The following TGFBR2 variants were observed in gnomAD, a reference collection of about 807,000 sequenced individuals.
The protein encoded by TGFBR2 is TGF-beta receptor type-2.
In TGFBR2, 18 loss-of-function variants were observed where a neutral mutation model predicts 49.0. That is an observed-to-expected ratio of 0.37 (90% CI 0.25 to 0.54). The LOEUF is 0.54. Ranked by LOEUF, TGFBR2 falls within the 20% of genes least tolerant of loss-of-function variation. TGFBR2 has a pLI of 0.85. For synonymous variants in TGFBR2, 282 were observed against 275.9 expected, an observed-to-expected ratio of 1.02 and a Z score of -0.22; for missense variants, 525 against 722.6, an observed-to-expected ratio of 0.73 and a Z score of 3.13.
chr3:30,612,376 G>A (rs1698046120), intron 1 of TGFBR2, among the ~76,000 whole-genome samples: 1 of 152,040 alleles, frequency 6.6e-6, no homozygotes, highest in African/African-American at 2.4e-5. Context: ...TCTTTCGTGT[G>A]GTCTCTATGT....
chr3:30,637,201 A>G (rs1480675784), intron 1 of TGFBR2, among the ~76,000 whole-genome samples: 1 of 152,198 alleles, frequency 6.6e-6, no homozygotes, highest in Non-Finnish European at 1.5e-5. Flanking sequence ...AAGTACTTAC[A>G]AAGGTATGGA....
intron 3 of TGFBR2, among the ~76,000 whole-genome samples, chr3:30,652,865 G>T (rs1274859847): frequency 6.6e-6 from 1 of 152,166 alleles, no homozygotes; most frequent in Non-Finnish European, 1.5e-5. Context: ...AATATATCAT[G>T]CATTTTATAT....
intron 3 of TGFBR2, among the ~76,000 whole-genome samples, chr3:30,664,718 C>A (rs935161856): frequency 3.3e-5 from 5 of 152,252 alleles, no homozygotes; most frequent in Admixed American, 2.0e-4. Flanking sequence ...CTTTTATGTC[C>A]TTTGTTATGC....
rs1699710286 is a variant in TGFBR2 at position 30,691,536 on chromosome 3, C to G, written c.1641C>G (p.Leu547=). 1 of 1,614,142 alleles carries G rather than the reference C, an allele frequency of 6.2e-7. No individual in the cohort carries two copies. The highest frequency in any genetic ancestry group is 8.5e-7 in the Non-Finnish European group (1 of 1,180,000). Residue 547 remains leucine, a synonymous_variant, in exon 7 of 7, where the codon CTC becomes CTG. Transcript: ENST00000295754. ...GTGAGCTGGAGCATCTGGACAGGCTCTCGGGGAGGAGCTGCTCGGAGGAGA... is the reference window on the plus strand; with the variant it reads ...GTGAGCTGGAGCATCTGGACAGGCTGTCGGGGAGGAGCTGCTCGGAGGAGA... ...RFSELEHLDR[L]SGRSCSEEKI...
intron 5 of TGFBR2, among the ~76,000 whole-genome samples, chr3:30,674,828 G>A (rs1198627943): frequency 6.6e-6 from 1 of 152,028 alleles, no homozygotes; most frequent in Admixed American, 6.6e-5. Flanking sequence ...CTTTTCTCCT[G>A]AAAAGCTGGC....
At chr3:30,641,159 A>T (rs938481215) in intron 1 of TGFBR2, among the ~76,000 whole-genome samples, 4 of 152,100 alleles carry the variant, frequency 2.6e-5, no homozygotes, top group African/African-American at 9.7e-5. Flanking sequence ...CCTTAACTGG[A>T]TCTTACGGGC....
rs773834537 is a variant in TGFBR2, at chr3:30,674,101, A to G, written c.1255-4A>G. 11 of 1,613,998 alleles carry G rather than the reference A, an allele frequency of 6.8e-6. No individual in the cohort carries two copies. Among genetic ancestry groups the G allele is most frequent in the African/African-American group, 6.7e-5 (5 of 74,904 alleles). ...ATGGGCCTCACTGTCTGTTTTTGCT[A>G]TAGGTGGGAACTGCAAGATACATGG... On this transcript the variant is annotated splice_region_variant and splice_polypyrimidine_tract_variant and intron_variant, in intron 4 of 6. Coordinates refer to ENST00000295754, the MANE Select transcript of TGFBR2 (RefSeq NM_003242.6).
At chr3:30,632,020 T>G (rs1575138059) in intron 1 of TGFBR2, among the ~76,000 whole-genome samples, 1 of 152,304 alleles carries the variant, frequency 6.6e-6, no homozygotes, top group East Asian at 1.9e-4. Flanking sequence ...TTTCCATATA[T>G]CTGGATGGCC....
chr3:30,631,621 CT>C (rs71093918), intron 1 of TGFBR2, among the ~76,000 whole-genome samples: 58,496 of 115,304 alleles, frequency 0.51, 12,708 homozygotes, highest in African/African-American at 0.56. Context: ...CAACTTCTTT[CT>C]TTTTTTTTTT....
At chr3:30,614,516 C>G (rs1318414544) in intron 1 of TGFBR2, among the ~76,000 whole-genome samples, 3 of 152,158 alleles carry the variant, frequency 2.0e-5, no homozygotes, top group Non-Finnish European at 4.4e-5. Context: ...GACTACCTGT[C>G]ACGCCCAAAT....
chr3:30,637,063 GAA>G (rs752993282), intron 1 of TGFBR2, among the ~76,000 whole-genome samples: 16 of 99,094 alleles, frequency 1.6e-4, no homozygotes, highest in Non-Finnish European at 1.9e-4. Flanking sequence ...GACTCTGTCT[GAA>G]AAAAAAAAAA....
chr3:30,687,523 C>T (rs974684586), intron 5 of TGFBR2, among the ~76,000 whole-genome samples: 34 of 152,222 alleles, frequency 2.2e-4, no homozygotes, highest in African/African-American at 7.5e-4. Context: ...AGCACCTGGC[C>T]TGTAGACAAC....
chr3:30,657,403 C>T (rs1280236459), intron 3 of TGFBR2, among the ~76,000 whole-genome samples: 1 of 152,126 alleles, frequency 6.6e-6, no homozygotes, highest in African/African-American at 2.4e-5. Context: ...GTAAGATGCT[C>T]ATCTGTTGGG....
intron 1 of TGFBR2, among the ~76,000 whole-genome samples, chr3:30,617,453 A>G (rs1042637915): frequency 6.6e-6 from 1 of 152,222 alleles, no homozygotes; most frequent in African/African-American, 2.4e-5. Context: ...ATAACATTTT[A>G]TGTTCATTAT....
rs765633035 is a variant in TGFBR2, at chr3:30,691,488, C to G, written c.1593C>G (p.Ala531=). 6.2e-7 allele frequency: 1 copy of G among 1,614,080 alleles called. No individual in the cohort carries two copies. Among genetic ancestry groups the G allele is most frequent in the Non-Finnish European group, 8.5e-7 (1 of 1,179,992 alleles). ...WDHDPEARLT[A]QCVAERFSEL... ...ACGACCCAGAGGCCCGTCTCACAGC[C>G]CAGTGTGTGGCAGAACGCTTCAGTG... is the stretch of plus-strand genomic sequence containing the variant. Residue 531 remains alanine, a synonymous_variant, in exon 7 of 7, where the codon GCC becomes GCG. Coordinates refer to ENST00000295754, the MANE Select transcript of TGFBR2 (RefSeq NM_003242.6).
At chr3:30,652,266 A>C (rs1575147606) in intron 3 of TGFBR2, among the ~76,000 whole-genome samples, 1 of 111,854 alleles carries the variant, frequency 8.9e-6, no homozygotes, top group African/African-American at 3.6e-5. Context: ...ACGGAGTCTC[A>C]CTCTGTCGCC....
At chr3:30,613,977 C>G (rs921334663) in intron 1 of TGFBR2, among the ~76,000 whole-genome samples, 2 of 152,064 alleles carry the variant, frequency 1.3e-5, no homozygotes, top group Non-Finnish European at 2.9e-5. Context: ...CATTTTTTCC[C>G]TGGAATAGAC....
Position 30,678,391 on chromosome 3 carries a change from C to CA in TGFBR2, c.1396+4152dup, listed in dbSNP as rs1278162138. Among the ~76,000 whole-genome samples, 14 of 151,782 alleles carry CA rather than the reference C, an allele frequency of 9.2e-5. No homozygotes were observed. In the South Asian group the frequency reaches 2.7e-3, roughly 29 times the overall value. ...TGAAACCCCGTCTCTACTAAAAATA[C>CA]AAAAAAATTAGCCGGGCGTGGCAGC... On this transcript the variant is annotated intron_variant, in intron 5 of 6. Transcript: ENST00000295754.
At chr3:30,663,395 T>G (rs545431964) in intron 3 of TGFBR2, among the ~76,000 whole-genome samples, 139 of 152,350 alleles carry the variant, frequency 9.1e-4, no homozygotes, top group African/African-American at 3.3e-3. Flanking sequence ...TGACTTTGAT[T>G]TGAATAGGTC....
Sources: allele counts gnomAD v4.1 joint callset (sites outside exome capture counted in the v4.1 genomes callset), GRCh38; gene constraint gnomAD v4.1.1; transcripts MANE v1.5; gene names NCBI Gene and HGNC (gene_info 2026-07-23, HGNC 2026-07-21).